The following C9orf85 variants were observed in gnomAD, a reference collection of about 807,000 sequenced individuals.
C9orf85 encodes uncharacterized protein C9orf85.
A neutral mutation model predicts 14.9 loss-of-function variants in C9orf85; 16 were observed. That is an observed-to-expected ratio of 1.08 (90% confidence interval 0.73 to 1.63). The LOEUF is 1.63. Among genes scored for constraint, C9orf85 ranks in the 40% most tolerant of loss-of-function variants. The pLI is 0.00. For synonymous variants in C9orf85, 45 were observed against 56.8 expected, an observed-to-expected ratio of 0.79 and a Z score of 0.93; for missense variants, 172 against 186.1, an observed-to-expected ratio of 0.92 and a Z score of 0.44.
intron 2 of C9orf85, among the ~76,000 whole-genome samples, chr9:71,954,250 G>T (rs1422687248): frequency 6.7e-6 from 1 of 148,266 alleles, no homozygotes; most frequent in East Asian, 2.1e-4. Flanking sequence ...ACTATAATGT[G>T]AGAGTTGGCT....
intron 2 of C9orf85, among the ~76,000 whole-genome samples, chr9:71,960,175 AT>A (rs1822479035): frequency 6.6e-6 from 1 of 152,228 alleles, no homozygotes; most frequent in Admixed American, 6.5e-5. Context: ...GAAGAGTGGT[AT>A]GAATAATCAC....
intron 1 of C9orf85, among the ~76,000 whole-genome samples, chr9:71,924,370 T>TTAA (rs140856): frequency 0.96 from 146,865 of 152,230 alleles, 71,083 homozygotes; most frequent in East Asian, 1. Context: ...TTCTAAAATG[T>TTAA]TAACGCAAAT....
intron 1 of C9orf85, among the ~76,000 whole-genome samples, chr9:71,920,715 C>T (rs1827779053): frequency 6.6e-6 from 1 of 152,298 alleles, no homozygotes; most frequent in East Asian, 1.9e-4. Flanking sequence ...CTGTTTTTCA[C>T]ATCTTCACTT....
intron 1 of C9orf85, among the ~76,000 whole-genome samples, chr9:71,918,011 C>T (rs1022616135): frequency 3.3e-5 from 5 of 152,072 alleles, no homozygotes; most frequent in African/African-American, 7.2e-5. Context: ...GGTAAAACCT[C>T]GTCTCTACTA....
chr9:71,915,352 TG>T (rs1827622631), intron 1 of C9orf85, among the ~76,000 whole-genome samples: 1 of 151,950 alleles, frequency 6.6e-6, no homozygotes, highest in Admixed American at 6.6e-5. Flanking sequence ...GGCTAATTTT[TG>T]TATTTTTAGT....
intron 2 of C9orf85, among the ~76,000 whole-genome samples, chr9:71,960,144 T>G (rs1249307964): frequency 2.0e-5 from 3 of 151,948 alleles, no homozygotes; most frequent in African/African-American, 7.3e-5. Flanking sequence ...GAGAGACAGG[T>G]CTAGAAAAAA....
In C9orf85 at chr9:71,971,557, C is replaced by A. The variant is rs751477022; in HGVS notation, c.262C>A (p.Pro88Thr). ...VKDSYHIMCR[P>T]CACELEVCAK... ...GGATTCTTATCACATAATGTGCAGG[C>A]CATGTGCCTGTGAACTTGAAGTTTG... The change falls in exon 3 of 4, where the codon CCA becomes ACA. Residue 88 changes from proline (P) to threonine (T), a missense_variant. Pro to Thr is a conservative substitution (Grantham distance 38). Coordinates refer to ENST00000334731, the MANE Select transcript of C9orf85 (RefSeq NM_182505.5). 6.2e-7 allele frequency: 1 copy of A among 1,612,730 alleles called. No individual in the cohort carries two copies.
chr9:71,948,567 G>A (rs956606934), intron 2 of C9orf85, among the ~76,000 whole-genome samples: 3 of 151,716 alleles, frequency 2.0e-5, no homozygotes, highest in African/African-American at 7.3e-5. Flanking sequence ...TGTCACCTAG[G>A]CTGCAGTGCA....
intron 1 of C9orf85, among the ~76,000 whole-genome samples, chr9:71,921,928 T>TTTA (rs1322378754): frequency 2.6e-3 from 295 of 113,844 alleles, no homozygotes; most frequent in African/African-American, 8.0e-3. Context: ...TTATTTTTTT[T>TTTA]TTATTATTAT....
intron 1 of C9orf85, among the ~76,000 whole-genome samples, chr9:71,933,297 C>A (rs187608498): frequency 6.6e-6 from 1 of 152,106 alleles, no homozygotes; most frequent in Admixed American, 6.5e-5. Context: ...AATTTAGAGA[C>A]CCACATTGAG....
chr9:71,952,965 C>G (rs970543406), intron 2 of C9orf85, among the ~76,000 whole-genome samples: 6 of 152,044 alleles, frequency 3.9e-5, no homozygotes, highest in East Asian at 1.9e-4. Context: ...TAAAACAGCA[C>G]AGTCCTCAAA....
chr9:71,914,067 A>C (rs899365617), intron 1 of C9orf85, among the ~76,000 whole-genome samples: 48 of 152,366 alleles, frequency 3.2e-4, no homozygotes, highest in African/African-American at 1.1e-3. Flanking sequence ...GTCTGTGATC[A>C]TAACAGATTC....
intron 3 of C9orf85, among the ~76,000 whole-genome samples, chr9:71,979,486 A>G (rs1823058759): frequency 1.3e-5 from 2 of 152,130 alleles, no homozygotes; most frequent in Non-Finnish European, 2.9e-5. Flanking sequence ...AAACTCTTGG[A>G]TGGAGGTAAA....
intron 1 of C9orf85, among the ~76,000 whole-genome samples, chr9:71,939,095 A>G (rs1447441575): frequency 6.6e-6 from 1 of 151,722 alleles, no homozygotes; most frequent in African/African-American, 2.4e-5. Context: ...TATATTTTGA[A>G]TATTTATATG....
chr9:71,976,941 A>G (rs879547868), downstream of C9orf85, among the ~76,000 whole-genome samples: 9 of 152,154 alleles, frequency 5.9e-5, no homozygotes, highest in Admixed American at 5.9e-4. Context: ...GGAAAGACTT[A>G]CCTCACTGAC....
At chr9:71,946,025 T>TC (rs1822078056) in intron 1 of C9orf85, among the ~76,000 whole-genome samples, 1 of 152,168 alleles carries the variant, frequency 6.6e-6, no homozygotes, top group Admixed American at 6.5e-5. Context: ...CTTCCTTCTT[T>TC]CCCAACACAT....
chr9:71,976,252 G>T (rs558771426), downstream of C9orf85, among the ~76,000 whole-genome samples: 36 of 152,212 alleles, frequency 2.4e-4, no homozygotes, highest in African/African-American at 8.7e-4. Flanking sequence ...TTAATTTGTT[G>T]CACCTTGATA....
At chr9:71,951,180 GAATAC>G (rs974620041) in intron 2 of C9orf85, among the ~76,000 whole-genome samples, 6 of 152,100 alleles carry the variant, frequency 3.9e-5, no homozygotes, top group Admixed American at 3.9e-4. Context: ...CTCAGTTACT[GAATAC>G]AATCCTGGAC....
At chr9:71,931,286 C>T (rs1222762722) in intron 1 of C9orf85, among the ~76,000 whole-genome samples, 1 of 152,160 alleles carries the variant, frequency 6.6e-6, no homozygotes, top group East Asian at 1.9e-4. Flanking sequence ...CATATCTTTT[C>T]CTGTCAGTTC....
Sources: allele counts gnomAD v4.1 joint callset (sites outside exome capture counted in the v4.1 genomes callset), GRCh38; gene constraint gnomAD v4.1.1; transcripts MANE v1.5; gene names NCBI Gene and HGNC (gene_info 2026-07-23, HGNC 2026-07-21).